The following PCED1A variants were observed in gnomAD, a reference collection of about 807,000 sequenced individuals.
PCED1A encodes PC-esterase domain-containing protein 1A.
PCED1A carries 20 observed loss-of-function variants against 41.9 expected under a neutral mutation model. The observed-to-expected ratio is 0.48, with a 90% CI of 0.34 to 0.69. The LOEUF (loss-of-function observed/expected upper bound fraction) is 0.69. Among genes scored for constraint, PCED1A ranks in the 30% least tolerant of loss-of-function variants. The pLI is 0.01. For missense variants in PCED1A, 498 were observed against 602.1 expected, an observed-to-expected ratio of 0.83 and a Z score of 1.81; for synonymous variants, 236 against 241.3, an observed-to-expected ratio of 0.98 and a Z score of 0.20.
In PCED1A at chr20:2,840,328, G is replaced by C. The variant is rs777590402; in HGVS notation, c.-139C>G. On this transcript the variant is annotated 5_prime_UTR_variant, in exon 1 of 8. Coordinates refer to ENST00000360652, the MANE Select transcript of PCED1A (RefSeq NM_022760.6). ...GTTCCCGCGCCCCAGTCGGCCAGTC[G>C]GTTCTGCAAAGCTCCCGCCCCGCAG... The C allele has an allele frequency of 3.6e-5, 9 of 247,772 alleles. No individual in the cohort carries two copies. The highest frequency in any genetic ancestry group is 6.2e-5 in the Non-Finnish European group (8 of 129,232). The allele number at this position is 247,772 out of a possible 1,614,324, so 15.3% of individuals were successfully genotyped here. A position where few individuals can be genotyped will look rare whatever the true frequency, so the allele number is the denominator to read the frequency against.
chr20:2,840,943 G>T (rs1425917326), upstream of PCED1A: 3 of 1,046,918 alleles, frequency 2.9e-6, no homozygotes, highest in East Asian at 8.3e-5. Context: ...CCCCGCGCCG[G>T]CTCTCCCCGA....
At chr20:2,836,338 G>A (rs1401295561) in intron 6 of PCED1A, 24 bp from the exon 7 acceptor site, 2 of 1,600,502 alleles carry the variant, frequency 1.2e-6, no homozygotes, top group Non-Finnish European at 1.7e-6. Flanking sequence ...GGTTGTTTTA[G>A]GTAGGCTTGG....
chr20:2,836,426 G>C, intron 6 of PCED1A, 112 bp from the exon 7 acceptor site: 1 of 959,650 alleles, frequency 1.0e-6, no homozygotes, highest in Non-Finnish European at 1.7e-6. Flanking sequence ...GAGCCACCAG[G>C]CTGGAGCATC....
chr20:2,840,652 T>C lies in PCED1A; in HGVS notation c.-463A>G. ...GGCAGCCAAGTGAGGCTGCCCACAG[T>C]GGTGATGGCCGCGGCGGCGGCCTCG... On this transcript the variant is annotated 5_prime_UTR_variant, in exon 1 of 8. Transcript: ENST00000360652. 9.1e-7 allele frequency: 1 copy of C among 1,093,492 alleles called. No individual in the cohort carries two copies. The highest frequency in any genetic ancestry group is 1.4e-6 in the Non-Finnish European group (1 of 736,702). 67.7% of individuals were successfully genotyped at this position (1,093,492 alleles called of 1,614,324 possible).
At chr20:2,839,741 G>A in intron 2 of PCED1A, 48 bp downstream of exon 2, 2 of 1,605,728 alleles carry the variant, frequency 1.2e-6, no homozygotes, top group Non-Finnish European at 1.7e-6. Context: ...ACACTGAACG[G>A]GCTGCAAGGT....
chr20:2,839,006 C>T lies in PCED1A; in HGVS notation c.281G>A (p.Arg94His). 1.2e-6 allele frequency: 2 copies of T among 1,613,876 alleles called. No homozygotes were observed. Among genetic ancestry groups the T allele is most frequent in the Non-Finnish European group, 8.5e-7 (1 of 1,180,024 alleles). Residue 94 changes from arginine (R) to histidine (H), a missense_variant, in exon 4 of 8, where the codon CGT (arginine) becomes CAT (histidine). Physicochemically the swap from Arg to His is conservative, Grantham distance 29. Coordinates refer to ENST00000360652, the MANE Select transcript of PCED1A (RefSeq NM_022760.6). The stretch of plus-strand genomic sequence containing the variant: ...GCCCGAGCAGAACTGGCGGACCTCA[C>T]GATACTGTGTCCCGTTGTGCAGCTC... ...LGELHNGTQYREVRQFCSGSG... is the reference protein window; with the variant it reads ...LGELHNGTQYHEVRQFCSGSG...
At position 2,838,624 on chromosome 20, in the gene PCED1A, C is replaced by G; in HGVS notation, c.566G>C (p.Arg189Pro). 2.5e-6 allele frequency: 4 copies of G among 1,614,220 alleles called. No individual in the cohort carries two copies. The highest frequency in any genetic ancestry group is 3.4e-6 in the Non-Finnish European group (4 of 1,180,030). The change falls in exon 5 of 8, where the codon CGT becomes CCT. Residue 189 changes from arginine to proline, a missense_variant. By Grantham distance (103) the Arg-to-Pro change is moderately radical. Transcript: ENST00000360652. The surrounding 1 kb of genome is among the most constrained non-coding windows in gnomAD (Gnocchi z 5.8). The stretch of plus-strand genomic sequence containing the variant: ...TGGCAGGAGGAAACCCCCAGTGATA[C>G]GTTCCCCGAGGGGCATCGCCATGTT... The part of the protein sequence containing the change: ...VWNMAMPLGE[R>P]ITGGFLLPEL...
intron 7 of PCED1A, 150 bp downstream of exon 7, chr20:2,835,889 C>G (rs1470239631): frequency 4.9e-6 from 7 of 1,436,046 alleles, no homozygotes; most frequent in East Asian, 5.0e-5. Flanking sequence ...ATTAATGAAC[C>G]TACAGATGAT....
At position 2,840,445 on chromosome 20, in the gene PCED1A, C is replaced by T. The variant is rs2088945615; in HGVS notation, c.-256G>A. On this transcript the variant is annotated 5_prime_UTR_variant, in exon 1 of 8. Transcript: ENST00000360652. ...CTGTGGCCCCGACGGCGCCTCAGGC[C>T]TCGGCGCCTCGGGCTGCGACGCTCA... 7.1e-6 allele frequency: 3 copies of T among 423,906 alleles called. No homozygotes were observed. Among genetic ancestry groups the T allele is most frequent in the East Asian group, 1.1e-4 (2 of 18,654 alleles). The allele number at this position is 423,906 out of a possible 1,614,324, so 26.3% of individuals were successfully genotyped here. A position where few individuals can be genotyped will look rare whatever the true frequency, so the allele number is the denominator to read the frequency against.
At position 2,840,637 on chromosome 20, in the gene PCED1A, T is replaced by C. The variant is rs528349522; in HGVS notation, c.-448A>G. The C allele has an allele frequency of 2.1e-6, 2 of 944,724 alleles. No homozygotes were observed. Among genetic ancestry groups the C allele is most frequent in the African/African-American group, 1.7e-5 (1 of 60,410 alleles). 58.5% of individuals were successfully genotyped at this position (944,724 alleles called of 1,614,324 possible). On this transcript the variant is annotated 5_prime_UTR_variant, in exon 1 of 8. Transcript: ENST00000360652. ...CTGGGGTCTCGGGGCGGCAGCCAAG[T>C]GAGGCTGCCCACAGTGGTGATGGCC...
chr20:2,840,482 T>A lies in PCED1A; in HGVS notation c.-293A>T. Reference sequence around the variant, plus strand: ...GGCTGCGACGCTCACAGCTTCCACTTCCGTTCACCCATGTCCCGCCCTGAG... The same window carrying A: ...GGCTGCGACGCTCACAGCTTCCACTACCGTTCACCCATGTCCCGCCCTGAG... On this transcript the variant is annotated 5_prime_UTR_variant, in exon 1 of 8. The change creates a premature stop within an existing upstream ORF in the 5' untranslated region. Transcript: ENST00000360652. 2 of 495,110 alleles carry A rather than the reference T, an allele frequency of 4.0e-6. No homozygotes were observed. The highest frequency in any genetic ancestry group is 7.2e-6 in the Non-Finnish European group (2 of 278,700). The allele number at this position is 495,110 out of a possible 1,614,324, so 30.7% of individuals were successfully genotyped here. A position where few individuals can be genotyped will look rare whatever the true frequency, so the allele number is the denominator to read the frequency against.
chr20:2,839,369 A>G, intron 2 of PCED1A, 98 bp from the exon 3 acceptor site: 2 of 1,103,660 alleles, frequency 1.8e-6, no homozygotes, highest in Admixed American at 2.1e-5. Flanking sequence ...GAGGTGCCCG[A>G]CACCAGCTCT....
chr20:2,840,322 C>T lies in PCED1A; in HGVS notation c.-133G>A. On this transcript the variant is annotated 5_prime_UTR_variant, in exon 1 of 8. Transcript: ENST00000360652. ...CCTCATGTTCCCGCGCCCCAGTCGG[C>T]CAGTCGGTTCTGCAAAGCTCCCGCC... 1 of 247,476 alleles carries T rather than the reference C, an allele frequency of 4.0e-6. No individual in the cohort carries two copies. The highest frequency in any genetic ancestry group is 5.7e-5 in the Admixed American group (1 of 17,684). 15.3% of individuals were successfully genotyped at this position (247,476 alleles called of 1,614,324 possible). A position where few individuals can be genotyped will look rare whatever the true frequency, so the allele number is the denominator to read the frequency against.
At chr20:2,840,179 C>G (rs1464140081) in intron 1 of PCED1A, 32 bp downstream of exon 1, 2 of 340,378 alleles carry the variant, frequency 5.9e-6, no homozygotes, top group East Asian at 1.0e-4. Context: ...GCCGCCGTCC[C>G]GCGCATGCGC....
Position 2,838,013 on chromosome 20 carries a change from T to A in PCED1A, c.841+219A>T, listed in dbSNP as rs560016913. Among the ~76,000 whole-genome samples the A allele has an allele frequency of 6.6e-6, 1 of 152,140 alleles. No homozygotes were observed. Among genetic ancestry groups the A allele is most frequent in the Admixed American group, 6.5e-5 (1 of 15,284 alleles). On this transcript the variant is annotated intron_variant, in intron 6 of 7. Transcript: ENST00000360652. The surrounding 1 kb of genome is among the most constrained non-coding windows in gnomAD (Gnocchi z 5.8). Reference sequence around the variant, plus strand: ...ACAAGCTCCTTCAAGCACACAGAAATGACTACACAGCCAGACTGTAGAAAA... The same window carrying A: ...ACAAGCTCCTTCAAGCACACAGAAAAGACTACACAGCCAGACTGTAGAAAA...
chr20:2,837,789 G>A (rs1033915065), intron 6 of PCED1A, among the ~76,000 whole-genome samples: 1 of 152,062 alleles, frequency 6.6e-6, no homozygotes, highest in Non-Finnish European at 1.5e-5. Flanking sequence ...TGGCCTTCCC[G>A]ATGCAACATC....
rs144059504 is a variant in PCED1A at position 2,835,633 on chromosome 20, G to T, written c.1194C>A (p.His398Gln). The change falls in exon 8 of 8, where the codon CAC (histidine) becomes CAA (glutamine). Residue 398 changes from histidine (H) to glutamine (Q), a missense_variant. Around this residue, in one of 2 missense-constraint regions of PCED1A, gnomAD observed 245 missense variants for 232.4 expected, o/e 1.05. Coordinates refer to ENST00000360652, the MANE Select transcript of PCED1A (RefSeq NM_022760.6). Reference sequence around the variant, plus strand: ...TCCCCCGGTGGACCACTGGGCCCCAGTGCTGACCATGGGGATTAGGGCCAG... The same window carrying T: ...TCCCCCGGTGGACCACTGGGCCCCATTGCTGACCATGGGGATTAGGGCCAG... Reference protein sequence around the residue: ...PIPGPNPHGQHWGPVVHRGMP... With the variant: ...PIPGPNPHGQQWGPVVHRGMP... 9 of 1,608,880 alleles carry T rather than the reference G, an allele frequency of 5.6e-6. No homozygotes were observed. Among genetic ancestry groups the T allele is most frequent in the Non-Finnish European group, 6.8e-6 (8 of 1,176,138 alleles).
chr20:2,838,309 C>T lies in PCED1A; in HGVS notation c.764G>A (p.Arg255His), dbSNP rs1444360315. ...GGTCAGAAGCAGGTGTGAGAGGTGG[C>T]GGTGTGCATGCTGGTCCCAGTGGAC... ...DGVHWDQHAHRHLSHLLLTHV... is the reference protein window; with the variant it reads ...DGVHWDQHAHHHLSHLLLTHV... Residue 255 changes from arginine (R) to histidine (H), a missense_variant, in exon 6 of 8, where the codon CGC becomes CAC. This residue lies in a region of PCED1A where 253 missense variants were observed against 369.7 expected (regional missense o/e 0.68). Coordinates refer to ENST00000360652, the MANE Select transcript of PCED1A (RefSeq NM_022760.6). The surrounding 1 kb of genome is among the most constrained non-coding windows in gnomAD (Gnocchi z 5.8). 1 of 1,614,198 alleles carries T rather than the reference C, an allele frequency of 6.2e-7. No homozygotes were observed. Among genetic ancestry groups the T allele is most frequent in the East Asian group, 2.2e-5 (1 of 44,886 alleles).
In PCED1A at chr20:2,838,539, G is replaced by A. The variant is rs1161531019; in HGVS notation, c.594+57C>T. On this transcript the variant is annotated intron_variant, in intron 5 of 7. Transcript: ENST00000360652. This position sits in a 1 kb window ranked among gnomAD's most constrained non-coding sequence, Gnocchi z 5.8. ...ACGCAGCAGGGTCTGAAAGCAGGGT[G>A]TCCTATCTACCAGTCTGCTATCCCA... is the stretch of plus-strand genomic sequence containing the variant. 4.3e-6 allele frequency: 7 copies of A among 1,613,770 alleles called. No homozygotes were observed. Among genetic ancestry groups the A allele is most frequent in the African/African-American group, 1.3e-5 (1 of 74,924 alleles).
Sources: allele counts gnomAD v4.1 joint callset (sites outside exome capture counted in the v4.1 genomes callset), GRCh38; gene constraint gnomAD v4.1.1; regional missense constraint gnomAD v4.1.1; non-coding constraint Gnocchi (gnomAD v3.1); transcripts MANE v1.5; gene names NCBI Gene and HGNC (gene_info 2026-07-23, HGNC 2026-07-21).